UBE2H: variants seen among roughly 807,000 people sequenced by gnomAD.
UBE2H encodes the protein ubiquitin conjugating enzyme E2 H, also known as ubiquitin-conjugating enzyme E2 H.
Under a neutral mutation model 29.0 loss-of-function variants are expected in UBE2H, and 3 were observed. The observed-to-expected ratio is 0.10, with a 90% confidence interval of 0.05 to 0.27. The LOEUF (loss-of-function observed/expected upper bound fraction) is 0.27, where lower values mean the gene tolerates loss of function less well. Among genes scored for constraint, UBE2H ranks in the 10% least tolerant of loss-of-function variants. UBE2H has a pLI of 1.00. For missense variants in UBE2H, 68 were observed against 228.2 expected, an observed-to-expected ratio of 0.30 and a Z score of 4.52; for synonymous variants, 69 against 82.9, an observed-to-expected ratio of 0.83 and a Z score of 0.91.
At chr7:129,869,181 G>A (rs376485728) in intron 3 of UBE2H, among the ~76,000 whole-genome samples, 7 of 151,726 alleles carry the variant, frequency 4.6e-5, no homozygotes, top group African/African-American at 7.3e-5. Flanking sequence ...CAGGTGATCC[G>A]CCTGCCTCGG....
At chr7:129,926,619 C>CA (rs1333649716) in intron 1 of UBE2H, among the ~76,000 whole-genome samples, 12 of 152,182 alleles carry the variant, frequency 7.9e-5, no homozygotes, top group Non-Finnish European at 1.6e-4. Flanking sequence ...AGAGGCATTT[C>CA]AAAAAATTAT....
intron 6 of UBE2H, 149 bp from the exon 7 acceptor site, chr7:129,835,210 T>C: frequency 8.4e-7 from 1 of 1,192,080 alleles, no homozygotes; most frequent in African/African-American, 1.5e-5. Flanking sequence ...TCACTACAGC[T>C]AAGGAGAATC....
At chr7:129,926,401 C>T (rs1451682732) in intron 1 of UBE2H, among the ~76,000 whole-genome samples, 7 of 151,648 alleles carry the variant, frequency 4.6e-5, no homozygotes, top group African/African-American at 9.7e-5. Context: ...CCCAGCTACT[C>T]AGGAGGCTGA....
At chr7:129,932,193 G>C (rs757818616) in intron 1 of UBE2H, among the ~76,000 whole-genome samples, 11 of 149,618 alleles carry the variant, frequency 7.4e-5, no homozygotes, top group Admixed American at 3.4e-4. Context: ...GCGCAATCTC[G>C]GCTCACTGCA....
intron 6 of UBE2H, among the ~76,000 whole-genome samples, chr7:129,838,343 T>C (rs765282785): frequency 4.0e-4 from 61 of 152,214 alleles, no homozygotes; most frequent in African/African-American, 1.4e-3. Flanking sequence ...AGTGAAGACC[T>C]GCACATTCAA....
chr7:129,941,456 T>C (rs913003744), intron 1 of UBE2H, among the ~76,000 whole-genome samples: 1 of 152,090 alleles, frequency 6.6e-6, no homozygotes, highest in African/African-American at 2.4e-5. Context: ...ATTTATATGC[T>C]CAGGGCACCA....
chr7:129,843,147 C>G (rs1376201470), intron 5 of UBE2H, among the ~76,000 whole-genome samples: 5 of 151,656 alleles, frequency 3.3e-5, no homozygotes, highest in Admixed American at 2.6e-4. Context: ...TACAGGCACA[C>G]GCCGCCACAT....
intron 1 of UBE2H, among the ~76,000 whole-genome samples, chr7:129,943,912 C>A (rs924765692): frequency 5.9e-5 from 9 of 151,838 alleles, no homozygotes; most frequent in Non-Finnish European, 7.4e-5. Flanking sequence ...GTGTTTAAAT[C>A]ATTATTCAAG....
At chr7:129,889,810 C>A (rs1020375333) in intron 1 of UBE2H, among the ~76,000 whole-genome samples, 1 of 152,008 alleles carries the variant, frequency 6.6e-6, no homozygotes, top group African/African-American at 2.4e-5. Flanking sequence ...ATAACAAAAC[C>A]CAGTCTCCAC....
intron 1 of UBE2H, among the ~76,000 whole-genome samples, chr7:129,922,548 G>A (rs901256699): frequency 9.2e-5 from 14 of 151,734 alleles, no homozygotes; most frequent in African/African-American, 3.4e-4. Flanking sequence ...AAATCCTGAG[G>A]TTACAGGCAT....
rs777344944 is a variant in UBE2H at position 129,858,884 on chromosome 7, T to A, written c.245+18A>T. 6.2e-7 allele frequency: 1 copy of A among 1,604,916 alleles called. No individual in the cohort carries two copies. Among genetic ancestry groups the A allele is most frequent in the South Asian group, 1.1e-5 (1 of 90,360 alleles). On this transcript the variant is annotated intron_variant, in intron 4 of 6. Coordinates refer to ENST00000355621, the MANE Select transcript of UBE2H (RefSeq NM_003344.4). ...GCAGTTGCTGCTAAAATTGAAACAT[T>A]TTAAAATAGTTACTTACGCTTCATC...
chr7:129,835,669 T>C (rs994465752), intron 6 of UBE2H, among the ~76,000 whole-genome samples: 1 of 152,220 alleles, frequency 6.6e-6, no homozygotes, highest in African/African-American at 2.4e-5. Context: ...TTTCCGCTGC[T>C]ACAGCCTTGG....
rs1805227911 is a variant in UBE2H at position 129,831,594 on chromosome 7, G to A, written c.*3343C>T. 6.6e-6 allele frequency: 1 copy of A among 152,198 alleles called. No individual in the cohort carries two copies. The highest frequency in any genetic ancestry group is 2.1e-4 in the South Asian group (1 of 4,832). 9.4% of individuals were successfully genotyped at this position (152,198 alleles called of 1,614,324 possible). On this transcript the variant is annotated 3_prime_UTR_variant, in exon 7 of 7. Transcript: ENST00000355621. ...TGGCAGTCAGAACAGCTTTTGAAGT[G>A]GATGAGAAATGTTAGGTACTGGAGA...
At chr7:129,931,910 C>T (rs932348589) in intron 1 of UBE2H, among the ~76,000 whole-genome samples, 2 of 149,208 alleles carry the variant, frequency 1.3e-5, no homozygotes, top group Non-Finnish European at 3.0e-5. Context: ...ATCTCAGCTC[C>T]GCCTCCCAGG....
chr7:129,887,200 T>C (rs1395410650), intron 1 of UBE2H, among the ~76,000 whole-genome samples: 2 of 150,874 alleles, frequency 1.3e-5, no homozygotes, highest in Admixed American at 1.3e-4. Context: ...AGAATTTAGC[T>C]ACTAGAGCTC....
chr7:129,837,558 GCTC>G, intron 6 of UBE2H, among the ~76,000 whole-genome samples: 1 of 147,958 alleles, frequency 6.8e-6, no homozygotes, highest in Middle Eastern at 3.5e-3. Context: ...GCAGATCACT[GCTC>G]CTGAAACAGG....
At chr7:129,854,060 G>GTTTTTTT (rs56362841) in intron 5 of UBE2H, among the ~76,000 whole-genome samples, 1 of 100,278 alleles carries the variant, frequency 1.0e-5, no homozygotes, top group African/African-American at 4.0e-5. Flanking sequence ...TTTAGTGTTA[G>GTTTTTTT]TTTTTTTTTT....
Position 129,952,875 on chromosome 7 carries a change from C to G in UBE2H, c.-320G>C, listed in dbSNP as rs1807913846. 1.9e-5 allele frequency: 4 copies of G among 216,158 alleles called. No individual in the cohort carries two copies. Among genetic ancestry groups the G allele is most frequent in the Non-Finnish European group, 3.6e-5 (4 of 110,412 alleles). 13.4% of individuals were successfully genotyped at this position (216,158 alleles called of 1,614,324 possible). A position where few individuals can be genotyped will look rare whatever the true frequency, so the allele number is the denominator to read the frequency against. On this transcript the variant is annotated 5_prime_UTR_variant, in exon 1 of 7. Coordinates refer to ENST00000355621, the MANE Select transcript of UBE2H (RefSeq NM_003344.4). The stretch of plus-strand genomic sequence containing the variant: ...TGCTGTGGCTCGCTCGCCTGCTCCC[C>G]ACTCACCCTCTGACCGGCTCCTAGC...
At chr7:129,838,413 T>C (rs964607958) in intron 6 of UBE2H, among the ~76,000 whole-genome samples, 1 of 152,190 alleles carries the variant, frequency 6.6e-6, no homozygotes, top group Non-Finnish European at 1.5e-5. Flanking sequence ...AGGCCACACA[T>C]TTTGAGGAAG....
Sources: allele counts gnomAD v4.1 joint callset (sites outside exome capture counted in the v4.1 genomes callset), GRCh38; gene constraint gnomAD v4.1.1; transcripts MANE v1.5; gene names NCBI Gene and HGNC (gene_info 2026-07-23, HGNC 2026-07-21).